Variants in MEIOC observed in about 807,000 individuals in gnomAD.
The protein encoded by MEIOC is meiosis-specific coiled-coil domain-containing protein MEIOC.
Under a neutral mutation model 85.3 loss-of-function variants are expected in MEIOC, and 9 were observed. That is an observed-to-expected ratio of 0.11 (90% CI 0.06 to 0.18). The LOEUF is 0.18. Among genes scored for constraint, MEIOC ranks in the 10% least tolerant of loss-of-function variants. The pLI is 1.00. For missense variants in MEIOC, 898 were observed against 1,129.4 expected, an observed-to-expected ratio of 0.80 and a Z score of 2.94; for synonymous variants, 365 against 393.7, an observed-to-expected ratio of 0.93 and a Z score of 0.86.
At position 44,665,048 on chromosome 17, in the gene MEIOC, A is replaced by G. The variant is rs1219972618; in HGVS notation, c.360-336A>G. ...ACAAGACTTGCTTTCAGGAGCAGCT[A>G]TGATACCAAGCATGTCTGTGACATC... is the stretch of plus-strand genomic sequence containing the variant. On this transcript the variant is annotated intron_variant, in intron 3 of 7. Transcript: ENST00000409122. 9 of 746,466 alleles carry G rather than the reference A, an allele frequency of 1.2e-5. No homozygotes were observed. In the East Asian group the frequency reaches 1.1e-3, roughly 94 times the overall value. The allele number at this position is 746,466 out of a possible 1,614,324, so 46.2% of individuals were successfully genotyped here.
At position 44,666,745 on chromosome 17, in the gene MEIOC, T is replaced by C. The variant is rs1410956917; in HGVS notation, c.834T>C (p.Asp278=). The change falls in exon 5 of 8, where the codon GAT becomes GAC. Residue 278 remains aspartate, a synonymous_variant. Coordinates refer to ENST00000409122, the MANE Select transcript of MEIOC (RefSeq NM_001145080.3). Reference sequence around the variant, plus strand: ...TTACACCCCAAACTGGTCTGTCTGATATCATGAAAGAATCAGGAGTTGATA... The same window carrying C: ...TTACACCCCAAACTGGTCTGTCTGACATCATGAAAGAATCAGGAGTTGATA... ...NCFTPQTGLS[D]IMKESGVDIY... 4.3e-6 allele frequency: 7 copies of C among 1,613,582 alleles called. No homozygotes were observed. The highest frequency in any genetic ancestry group is 5.1e-6 in the Non-Finnish European group (6 of 1,179,786).
Position 44,666,716 on chromosome 17 carries a change from T to C in MEIOC, c.805T>C (p.Cys269Arg), listed in dbSNP as rs1971908729. Residue 269 changes from cysteine to arginine, a missense_variant, in exon 5 of 8, where the codon TGT (cysteine) becomes CGT (arginine). By Grantham distance (180) the Cys-to-Arg change is radical. This residue lies in a region of MEIOC where 734 missense variants were observed against 860.1 expected (regional missense o/e 0.85). Transcript: ENST00000409122. Reference sequence around the variant, plus strand: ...CCAAGAATATCCACTTATCAAAAACTGTTTTACACCCCAAACTGGTCTGTC... The same window carrying C: ...CCAAGAATATCCACTTATCAAAAACCGTTTTACACCCCAAACTGGTCTGTC... Reference protein sequence around the residue: ...TFQEYPLIKNCFTPQTGLSDI... With the variant: ...TFQEYPLIKNRFTPQTGLSDI... 1 of 1,613,284 alleles carries C rather than the reference T, an allele frequency of 6.2e-7. No homozygotes were observed. Among genetic ancestry groups the C allele is most frequent in the Non-Finnish European group, 8.5e-7 (1 of 1,179,574 alleles).
chr17:44,660,931 TAA>T (rs765793524), intron 2 of MEIOC, among the ~76,000 whole-genome samples: 4 of 139,778 alleles, frequency 2.9e-5, no homozygotes, highest in Non-Finnish European at 4.7e-5. Context: ...CATTTCTATT[TAA>T]AAAAAAAAAA....
intron 1 of MEIOC, 72 bp downstream of exon 1, chr17:44,656,754 G>T: frequency 7.8e-7 from 1 of 1,289,278 alleles, no homozygotes. Flanking sequence ...GAGAGGCTGA[G>T]GAGGGGGCGC....
chr17:44,662,214 T>A, intron 2 of MEIOC, 103 bp from the exon 3 acceptor site: 1 of 909,848 alleles, frequency 1.1e-6, no homozygotes, highest in Non-Finnish European at 1.7e-6. Flanking sequence ...AATGTAATTC[T>A]CCCAACTCTT....
chr17:44,673,401 G>C lies in MEIOC; in HGVS notation c.2493G>C (p.Arg831=). Residue 831 remains arginine (R), a synonymous_variant, in exon 7 of 8, where the codon CGG becomes CGC. Coordinates refer to ENST00000409122, the MANE Select transcript of MEIOC (RefSeq NM_001145080.3). ...TACTAGGCAAAATGGAACGTCTTCG[G>C]AGTTCTCTTCTTCATGCCAGTATCT... ...VTLLGKMERL[R]SSLLHASIST... The C allele has an allele frequency of 6.5e-7, 1 of 1,547,934 alleles. No homozygotes were observed. The highest frequency in any genetic ancestry group is 8.7e-7 in the Non-Finnish European group (1 of 1,145,876).
chr17:44,674,854 GAATATAAA>G lies in MEIOC; in HGVS notation c.*660_*667del. 5 of 981,848 alleles carry G rather than the reference GAATATAAA, an allele frequency of 5.1e-6. No homozygotes were observed. Among genetic ancestry groups the G allele is most frequent in the Non-Finnish European group, 6.0e-6 (5 of 826,712 alleles). 60.8% of individuals were successfully genotyped at this position (981,848 alleles called of 1,614,324 possible). A position where few individuals can be genotyped will look rare whatever the true frequency, so the allele number is the denominator to read the frequency against. ...CAGTGTAAAAACCATGCAAGTTACT[GAATATAAA>G]ACCTATTCAGATCATTTGTGTATAT... On this transcript the variant is annotated 3_prime_UTR_variant, in exon 8 of 8. Transcript: ENST00000409122.
At position 44,667,517 on chromosome 17, in the gene MEIOC, T is replaced by C; in HGVS notation, c.1606T>C (p.Cys536Arg). The stretch of plus-strand genomic sequence containing the variant: ...AAATAGCAATTTATTTCAGAAATAT[T>C]GCCAAGAAAACCCTTCAGCATTTTC... ...TPNSNLFQKY[C>R]QENPSAFSSF... The change falls in exon 5 of 8, where the codon TGC becomes CGC. Residue 536 changes from cysteine to arginine, a missense_variant. By Grantham distance (180) the Cys-to-Arg change is radical (BLOSUM62 -3). This residue lies in a region of MEIOC where 734 missense variants were observed against 860.1 expected (regional missense o/e 0.85). Transcript: ENST00000409122. The C allele has an allele frequency of 2.5e-6, 4 of 1,613,930 alleles. No homozygotes were observed. The highest frequency in any genetic ancestry group is 2.5e-6 in the Non-Finnish European group (3 of 1,179,864).
In MEIOC at chr17:44,667,188, C is replaced by T. The variant is rs1416179643; in HGVS notation, c.1277C>T (p.Pro426Leu). 8 of 1,613,884 alleles carry T rather than the reference C, an allele frequency of 5.0e-6. No homozygotes were observed. The highest frequency in any genetic ancestry group is 6.8e-6 in the Non-Finnish European group (8 of 1,179,878). The change falls in exon 5 of 8, where the codon CCT (proline) becomes CTT (leucine). Residue 426 changes from proline (P) to leucine (L), a missense_variant. Transcript: ENST00000409122. ...TTAACATCAGAATATGGACTAAAAC[C>T]TCACACAGCTTGTCCCGCTAATGAT... is the stretch of plus-strand genomic sequence containing the variant. ...FGLTSEYGLK[P>L]HTACPANDFA...
At position 44,666,716 on chromosome 17, in the gene MEIOC, T is replaced by A; in HGVS notation, c.805T>A (p.Cys269Ser). The A allele has an allele frequency of 6.2e-7, 1 of 1,613,284 alleles. No individual in the cohort carries two copies. The highest frequency in any genetic ancestry group is 8.5e-7 in the Non-Finnish European group (1 of 1,179,574). Residue 269 changes from cysteine to serine, a missense_variant, in exon 5 of 8, where the codon TGT becomes AGT. By Grantham distance (112) the Cys-to-Ser change is moderately radical. Transcript: ENST00000409122. ...TFQEYPLIKN[C>S]FTPQTGLSDI... Reference sequence around the variant, plus strand: ...CCAAGAATATCCACTTATCAAAAACTGTTTTACACCCCAAACTGGTCTGTC... The same window carrying A: ...CCAAGAATATCCACTTATCAAAAACAGTTTTACACCCCAAACTGGTCTGTC...
Position 44,675,601 on chromosome 17 carries a change from G to A in MEIOC, c.*1405G>A. On this transcript the variant is annotated 3_prime_UTR_variant, in exon 8 of 8. Transcript: ENST00000409122. ...ATTGAGAATGCAAGAGTAACTGTAG[G>A]GAGAAACATTTTGATCACTGATATG... 1.0e-6 allele frequency: 1 copy of A among 984,210 alleles called. No homozygotes were observed. The highest frequency in any genetic ancestry group is 1.2e-6 in the Non-Finnish European group (1 of 829,004). 61.0% of individuals were successfully genotyped at this position (984,210 alleles called of 1,614,324 possible).
At position 44,666,745 on chromosome 17, in the gene MEIOC, TATC is replaced by T. The variant is rs532603101; in HGVS notation, c.837_839del (p.Ile279del). On this transcript the variant is annotated inframe_deletion, in exon 5 of 8. Coordinates refer to ENST00000409122, the MANE Select transcript of MEIOC (RefSeq NM_001145080.3). ...TTACACCCCAAACTGGTCTGTCTGA[TATC>T]ATGAAAGAATCAGGAGTTGATATCT... 1.1e-3 allele frequency: 1,847 copies of T among 1,613,570 alleles called. 5 individuals carry two copies. The highest frequency in any genetic ancestry group is 3.1e-3 in the Middle Eastern group (19 of 6,060).
rs1441979376 is a variant in MEIOC at position 44,674,669 on chromosome 17, T to A, written c.*473T>A. ...AAAGTGTTTTCCTTACAAAACTGGATAATACCTGGGAAACAAAGGAAAATA... is the reference window on the plus strand; with the variant it reads ...AAAGTGTTTTCCTTACAAAACTGGAAAATACCTGGGAAACAAAGGAAAATA... On this transcript the variant is annotated 3_prime_UTR_variant, in exon 8 of 8. Coordinates refer to ENST00000409122, the MANE Select transcript of MEIOC (RefSeq NM_001145080.3). The A allele has an allele frequency of 2.7e-5, 27 of 986,424 alleles. No individual in the cohort carries two copies. Among genetic ancestry groups the A allele is most frequent in the Non-Finnish European group, 3.1e-5 (26 of 830,204 alleles). The allele number at this position is 986,424 out of a possible 1,614,324, so 61.1% of individuals were successfully genotyped here. A position where few individuals can be genotyped will look rare whatever the true frequency, so the allele number is the denominator to read the frequency against.
In MEIOC at chr17:44,668,149, C is replaced by G. The variant is rs770322687; in HGVS notation, c.2238C>G (p.Thr746=). The G allele has an allele frequency of 6.2e-7, 1 of 1,613,920 alleles. No individual in the cohort carries two copies. The highest frequency in any genetic ancestry group is 2.2e-5 in the East Asian group (1 of 44,880). The change falls in exon 5 of 8, where the codon ACC becomes ACG. Residue 746 remains threonine, a synonymous_variant. Transcript: ENST00000409122. Reference sequence around the variant, plus strand: ...TTGGATTTCAAAGACCAATTAAAACCCGTAGTGGACCAGCCAGTGAACTTC... The same window carrying G: ...TTGGATTTCAAAGACCAATTAAAACGCGTAGTGGACCAGCCAGTGAACTTC... ...PTFGFQRPIK[T]RSGPASELHI...
At chr17:44,663,221 G>A (rs888549545) in intron 3 of MEIOC, among the ~76,000 whole-genome samples, 11 of 151,898 alleles carry the variant, frequency 7.2e-5, no homozygotes, top group Admixed American at 6.6e-4. Flanking sequence ...TTCTATGGGG[G>A]ATACCAGAAT....
Position 44,656,651 on chromosome 17 carries a change from AC to A in MEIOC, c.42del (p.Ser15GlnfsTer3). On this transcript the variant is annotated frameshift_variant, in exon 1 of 8. Coordinates refer to ENST00000409122, the MANE Select transcript of MEIOC (RefSeq NM_001145080.3). LOFTEE classifies it high-confidence loss of function. ...VRRGDTCPRP[H>X]PSGLREEGLE... ...CGCGGAGACACCTGCCCGCGCCCTC[AC>A]CCCTCAGGCCTGAGGGAGGAAGGAC... The A allele has an allele frequency of 6.7e-7, 1 of 1,487,116 alleles. No homozygotes were observed. Among genetic ancestry groups the A allele is most frequent in the Non-Finnish European group, 8.9e-7 (1 of 1,118,004 alleles). 92.1% of individuals were successfully genotyped at this position (1,487,116 alleles called of 1,614,324 possible).
At position 44,667,113 on chromosome 17, in the gene MEIOC, T is replaced by C. The variant is rs750040547; in HGVS notation, c.1202T>C (p.Leu401Pro). ...NFTFPKTTPHLTEKQFAKEAV... is the reference protein window; with the variant it reads ...NFTFPKTTPHPTEKQFAKEAV... ...ACATTTCCAAAAACTACGCCACATC[T>C]GACAGAGAAACAGTTTGCAAAGGAA... The change falls in exon 5 of 8, where the codon CTG becomes CCG. Residue 401 changes from leucine (L) to proline (P), a missense_variant. Physicochemically the swap from Leu to Pro is moderately conservative, Grantham distance 98 (BLOSUM62 -3). This residue lies in a region of MEIOC where 734 missense variants were observed against 860.1 expected (regional missense o/e 0.85). Transcript: ENST00000409122. The C allele has an allele frequency of 6.2e-7, 1 of 1,613,868 alleles. No individual in the cohort carries two copies. Among genetic ancestry groups the C allele is most frequent in the Admixed American group, 1.7e-5 (1 of 60,018 alleles).
chr17:44,660,718 G>C (rs767611338), intron 2 of MEIOC, among the ~76,000 whole-genome samples: 26 of 151,996 alleles, frequency 1.7e-4, no homozygotes, highest in Non-Finnish European at 3.8e-4. Flanking sequence ...GTATAAATTA[G>C]CTTAATCTTT....
chr17:44,669,529 A>G lies in MEIOC; in HGVS notation c.2457+12A>G, dbSNP rs1326048791. ...GAGAACTAGCCAGAGTAAGCTGTAA[A>G]AATAGATAACAGTGGATGGATTTTT... On this transcript the variant is annotated intron_variant, in intron 6 of 7. Coordinates refer to ENST00000409122, the MANE Select transcript of MEIOC (RefSeq NM_001145080.3). 6.4e-7 allele frequency: 1 copy of G among 1,551,566 alleles called. No individual in the cohort carries two copies. Among genetic ancestry groups the G allele is most frequent in the Non-Finnish European group, 8.7e-7 (1 of 1,146,934 alleles).
Sources: gnomAD v4.1 joint callset for allele counts (sites outside exome capture counted in the v4.1 genomes callset) on GRCh38, gnomAD v4.1.1 for gene constraint, gnomAD v4.1.1 regional missense constraint, MANE v1.5 for transcripts, NCBI Gene and HGNC (gene_info 2026-07-23, HGNC 2026-07-21) for gene names.